Variants in SYT16 observed in about 807,000 individuals in gnomAD.
The protein encoded by SYT16 is synaptotagmin-16.
Under a neutral mutation model 61.4 loss-of-function variants are expected in SYT16, and 42 were observed. The ratio of observed to expected loss-of-function variants is 0.68; its 90% CI spans 0.53 to 0.89. SYT16 has a LOEUF of 0.89. Among genes scored for constraint, SYT16 ranks in the 40% least tolerant of loss-of-function variants. The pLI is 0.00. For missense variants in SYT16, 804 were observed against 807.3 expected (o/e 1.00, Z 0.05); for synonymous variants, 314 against 302.3 (o/e 1.04, Z -0.40).
chr14:62,075,585 G>GA (rs1265448011), intron 5 of SYT16, among the ~76,000 whole-genome samples, 194 bp downstream of exon 5: 62 of 98,578 alleles, frequency 6.3e-4, no homozygotes, highest in Admixed American at 4.7e-3. Context: ...TCTCAAAATG[G>GA]AAAAAAAAGG....
chr14:62,003,963 T>C (rs895874811), intron 3 of SYT16, among the ~76,000 whole-genome samples: 1 of 152,124 alleles, frequency 6.6e-6, no homozygotes, highest in Non-Finnish European at 1.5e-5. Flanking sequence ...AATGCTGACA[T>C]GTGAACAAGC....
rs2057600489 is a variant in SYT16, at chr14:62,111,095, A to G, written c.*10388A>G. On this transcript the variant is annotated 3_prime_UTR_variant, in exon 8 of 8. Transcript: ENST00000683842. ...GTGCAAGATAAATCTGACTTTCTCA[A>G]TATTTTTGGTCTTCATATGGCATCT... The G allele has an allele frequency of 6.6e-6, 1 of 152,108 alleles. No individual in the cohort carries two copies. Among genetic ancestry groups the G allele is most frequent in the South Asian group, 2.1e-4 (1 of 4,832 alleles). 9.4% of individuals were successfully genotyped at this position (152,108 alleles called of 1,614,324 possible). A position where few individuals can be genotyped will look rare whatever the true frequency, so the allele number is the denominator to read the frequency against.
chr14:62,047,100 T>C (rs1030457111), intron 3 of SYT16, among the ~76,000 whole-genome samples: 23 of 152,058 alleles, frequency 1.5e-4, no homozygotes, highest in Non-Finnish European at 2.9e-4. Context: ...GGAATGTTTG[T>C]ATCCTCTTTC....
intron 1 of SYT16, among the ~76,000 whole-genome samples, chr14:61,860,503 G>A (rs2046929343): frequency 6.6e-6 from 1 of 152,166 alleles, no homozygotes. Flanking sequence ...GGGAGCCCTT[G>A]GTTACTGACT....
At chr14:62,037,723 G>A (rs1252273867) in intron 3 of SYT16, among the ~76,000 whole-genome samples, 1 of 152,100 alleles carries the variant, frequency 6.6e-6, no homozygotes, top group Admixed American at 6.5e-5. Context: ...AAATCTGAAC[G>A]AACCTGAATC....
intron 7 of SYT16, among the ~76,000 whole-genome samples, chr14:62,096,723 C>G (rs1382073823): frequency 1.3e-5 from 2 of 151,958 alleles, no homozygotes; most frequent in African/African-American, 4.8e-5. Flanking sequence ...ACTCCAAATC[C>G]AACATAGTAA....
intron 1 of SYT16, among the ~76,000 whole-genome samples, chr14:61,925,339 T>A (rs888896351): frequency 6.6e-6 from 1 of 152,212 alleles, no homozygotes; most frequent in Admixed American, 6.5e-5. Context: ...AAGGAATTCC[T>A]GTGGCCAGTT....
At chr14:62,064,891 C>G (rs1015079711) in intron 3 of SYT16, among the ~76,000 whole-genome samples, 5 of 152,190 alleles carry the variant, frequency 3.3e-5, no homozygotes, top group African/African-American at 1.2e-4. Flanking sequence ...GCTTTTATTA[C>G]TGTAACAGTG....
rs1248316075 is a variant in SYT16 at position 62,101,625 on chromosome 14, T to G, written c.*918T>G. On this transcript the variant is annotated 3_prime_UTR_variant, in exon 8 of 8. Transcript: ENST00000683842. ...AATGTACTGCATGTAAACCATGCTC[T>G]TTTTAAACTGAGTATTTTCCATCAC... 1 of 152,126 alleles carries G rather than the reference T, an allele frequency of 6.6e-6. No homozygotes were observed. The highest frequency in any genetic ancestry group is 1.5e-5 in the Non-Finnish European group (1 of 68,034). The allele number at this position is 152,126 out of a possible 1,614,324, so 9.4% of individuals were successfully genotyped here. A position where few individuals can be genotyped will look rare whatever the true frequency, so the allele number is the denominator to read the frequency against.
intron 1 of SYT16, among the ~76,000 whole-genome samples, chr14:61,959,926 G>C (rs1460402167): frequency 2.6e-5 from 4 of 151,988 alleles, no homozygotes; most frequent in Non-Finnish European, 5.9e-5. Context: ...GACCTCCTAG[G>C]CTCAAGTGAT....
In SYT16 at chr14:61,996,124, A is replaced by G. The variant is rs761390939; in HGVS notation, c.105A>G (p.Leu35=). 3 of 1,613,328 alleles carry G rather than the reference A, an allele frequency of 1.9e-6. No homozygotes were observed. The highest frequency in any genetic ancestry group is 8.5e-7 in the Non-Finnish European group (1 of 1,179,512). ...YEALQQAGDM[L]SASLVNISKQ... Reference sequence around the variant, plus strand: ...CTCTCCAGCAAGCAGGAGATATGTTATCTGCTTCGCTGGTTAACATAAGCA... The same window carrying G: ...CTCTCCAGCAAGCAGGAGATATGTTGTCTGCTTCGCTGGTTAACATAAGCA... The change falls in exon 3 of 8, where the codon TTA becomes TTG. Residue 35 remains leucine (L), a synonymous_variant. Transcript: ENST00000683842.
chr14:61,837,363 A>G (rs1416583236), intron 1 of SYT16, among the ~76,000 whole-genome samples: 1 of 150,868 alleles, frequency 6.6e-6, no homozygotes. Flanking sequence ...CAGCCTCCCT[A>G]AGTAGCTGGG....
chr14:61,886,180 G>C (rs1251778060), intron 1 of SYT16, among the ~76,000 whole-genome samples: 1 of 151,982 alleles, frequency 6.6e-6, no homozygotes, highest in Non-Finnish European at 1.5e-5. Context: ...TGGCCAGGAT[G>C]GTCTCGATCT....
rs572931953 is a variant in SYT16 at position 61,837,192 on chromosome 14, C to T, written c.-325+24382C>T. The stretch of plus-strand genomic sequence containing the variant: ...CCAGGCCTCCTCATAGGTGTTGATC[C>T]TAACAGATTTCCATGATTCTCCACT... On this transcript the variant is annotated intron_variant, in intron 1 of 7. Transcript: ENST00000683842. 3.7e-4 allele frequency among the ~76,000 whole-genome samples: 56 copies of T among 151,488 alleles called. No homozygotes were observed. The South Asian group carries it at 0.011, about 29-fold the overall frequency.
chr14:61,829,950 G>A (rs892424893), intron 1 of SYT16, among the ~76,000 whole-genome samples: 7 of 152,020 alleles, frequency 4.6e-5, no homozygotes, highest in African/African-American at 1.4e-4. Flanking sequence ...CACCATGCCC[G>A]GCTTTATTGA....
Position 61,996,654 on chromosome 14 carries a change from C to A in SYT16, c.523+112C>A, listed in dbSNP as rs2052785407. The A allele has an allele frequency of 2.3e-6, 3 of 1,284,970 alleles. No individual in the cohort carries two copies. In the African/African-American group the frequency reaches 4.5e-5, roughly 19 times the overall value. 79.6% of individuals were successfully genotyped at this position (1,284,970 alleles called of 1,614,324 possible). On this transcript the variant is annotated intron_variant, in intron 3 of 7. Coordinates refer to ENST00000683842, the MANE Select transcript of SYT16 (RefSeq NM_001367656.1). ...GGATTTTATTTTTCTCTCTCTTATA[C>A]CTTCCCACATACTGGCTTCTGATTG...
intron 1 of SYT16, among the ~76,000 whole-genome samples, chr14:61,967,503 G>A (rs561815528): frequency 1.6e-4 from 24 of 152,272 alleles, no homozygotes; most frequent in Admixed American, 8.5e-4. Flanking sequence ...AATCTGTTCC[G>A]TGCCTGTCTC....
At chr14:61,899,799 C>G (rs1206936970) in intron 1 of SYT16, among the ~76,000 whole-genome samples, 2 of 152,082 alleles carry the variant, frequency 1.3e-5, no homozygotes, top group Admixed American at 1.3e-4. Flanking sequence ...TGAGGAGGTT[C>G]CTTTATTCTT....
In SYT16 at chr14:62,030,291, G is replaced by A. The variant is rs1193019945; in HGVS notation, c.523+33749G>A. ...TTTCAGTCGCATGGTAGTTTTGTCC[G>A]CTTATATCATCCTGCCGGGAAAAAA... On this transcript the variant is annotated intron_variant, in intron 3 of 7. Coordinates refer to ENST00000683842, the MANE Select transcript of SYT16 (RefSeq NM_001367656.1). 3.9e-5 allele frequency among the ~76,000 whole-genome samples: 6 copies of A among 152,186 alleles called. No homozygotes were observed. In the East Asian group the frequency reaches 9.7e-4, roughly 24 times the overall value.
Sources: gnomAD v4.1 joint callset for allele counts (sites outside exome capture counted in the v4.1 genomes callset) on GRCh38, gnomAD v4.1.1 for gene constraint, MANE v1.5 for transcripts, NCBI Gene and HGNC (gene_info 2026-07-23, HGNC 2026-07-21) for gene names.